LRRC32: variants seen among roughly 807,000 people sequenced by gnomAD.
LRRC32 encodes transforming growth factor beta activator LRRC32.
Under a neutral mutation model 15.0 loss-of-function variants are expected in LRRC32, and 5 were observed. The ratio of observed to expected loss-of-function variants is 0.33; its 90% CI spans 0.17 to 0.70. The LOEUF is 0.70. LRRC32 is among the 30% of genes least tolerant of loss of function. The pLI is 0.66. For missense variants in LRRC32, 803 were observed against 854.2 expected (o/e 0.94, Z 0.75); for synonymous variants, 391 against 403.9 (o/e 0.97, Z 0.38).
chr11:76,662,732 C>T (rs1952558215), intron 2 of LRRC32: 1 of 152,476 alleles, frequency 6.6e-6, no homozygotes, highest in South Asian at 2.1e-4. Flanking sequence ...CCGTTCTGAC[C>T]CACTCACTGC....
rs566330971 is a variant in LRRC32 at position 76,657,836 on chromosome 11, T to C, written c.*1768A>G. 1 of 152,336 alleles carries C rather than the reference T, an allele frequency of 6.6e-6. No individual in the cohort carries two copies. The highest frequency in any genetic ancestry group is 2.4e-5 in the African/African-American group (1 of 41,432). The allele number at this position is 152,336 out of a possible 1,614,324, so 9.4% of individuals were successfully genotyped here. A position where few individuals can be genotyped will look rare whatever the true frequency, so the allele number is the denominator to read the frequency against. On this transcript the variant is annotated 3_prime_UTR_variant, in exon 3 of 3. Coordinates refer to ENST00000260061, the MANE Select transcript of LRRC32 (RefSeq NM_001128922.2). ...GGCCTTGGTGTTCTCCTCTGTAAAA[T>C]GGGGTGGAGAGAGTGGCATTTTCAC...
chr11:76,666,022 C>G (rs1180736380), intron 1 of LRRC32, 64 bp from the exon 2 acceptor site: 1 of 1,423,128 alleles, frequency 7.0e-7, no homozygotes, highest in African/African-American at 1.4e-5. Context: ...ACTGCCAGCC[C>G]CCACTCCCAC....
rs200893333 is a variant in LRRC32 at position 76,659,635 on chromosome 11, C to G, written c.1958G>C (p.Arg653Pro). 1.2e-6 allele frequency: 2 copies of G among 1,614,036 alleles called. No individual in the cohort carries two copies. The highest frequency in any genetic ancestry group is 1.7e-6 in the Non-Finnish European group (2 of 1,180,034). Reference protein sequence around the residue: ...TTLAACCCVRRQKFNQQYKA With the variant: ...TTLAACCCVRPQKFNQQYKA ...TTTATACTGTTGGTTAAACTTCTGC[C>G]GGCGGACGCAGCAGCAGGCGGCCAG... The change falls in exon 3 of 3, where the codon CGG (arginine) becomes CCG (proline). Residue 653 changes from arginine (R) to proline (P), a missense_variant. Coordinates refer to ENST00000260061, the MANE Select transcript of LRRC32 (RefSeq NM_001128922.2).
rs1952528700 is a variant in LRRC32 at position 76,661,345 on chromosome 11, T to C, written c.248A>G (p.Asn83Ser). Residue 83 changes from asparagine (N) to serine (S), a missense_variant, in exon 3 of 3, where the codon AAT (asparagine) becomes AGT (serine). Transcript: ENST00000260061. ...TCCTGGCTGGAGGAAGCTGATCTCA[T>C]TGGTGCTCAGGTCCAGGTGACGAAG... is the stretch of plus-strand genomic sequence containing the variant. ...TALRHLDLSTNEISFLQPGAF... is the reference protein window; with the variant it reads ...TALRHLDLSTSEISFLQPGAF... The C allele has an allele frequency of 3.7e-6, 6 of 1,614,138 alleles. No individual in the cohort carries two copies. The highest frequency in any genetic ancestry group is 1.1e-5 in the South Asian group (1 of 91,084).
intron 1 of LRRC32, among the ~76,000 whole-genome samples, chr11:76,666,867 C>T (rs1041406662): frequency 1.3e-5 from 2 of 152,178 alleles, no homozygotes; most frequent in Admixed American, 6.5e-5. Flanking sequence ...GAACTGGGAA[C>T]TCAAAAAACA....
Position 76,661,023 on chromosome 11 carries a change from A to G in LRRC32, c.570T>C (p.Asp190=), listed in dbSNP as rs747843760. The change falls in exon 3 of 3, where the codon GAT becomes GAC. Residue 190 remains aspartate (D), a synonymous_variant. Coordinates refer to ENST00000260061, the MANE Select transcript of LRRC32 (RefSeq NM_001128922.2). The part of the protein sequence containing the change: ...LHSNVLMDIE[D]GAFEGLPRLT... The stretch of plus-strand genomic sequence containing the variant: ...GGCGGGGCAGACCCTCGAAGGCGCC[A>G]TCCTCGATGTCCATCAGCACGTTGC... The G allele has an allele frequency of 6.2e-7, 1 of 1,614,184 alleles. No homozygotes were observed. Among genetic ancestry groups the G allele is most frequent in the Admixed American group, 1.7e-5 (1 of 60,028 alleles).
chr11:76,668,582 C>T (rs1952662080), intron 1 of LRRC32, among the ~76,000 whole-genome samples: 1 of 152,234 alleles, frequency 6.6e-6, no homozygotes, highest in Non-Finnish European at 1.5e-5. Flanking sequence ...TTTCCTCTCC[C>T]TGAATGCTCT....
At position 76,665,948 on chromosome 11, in the gene LRRC32, G is replaced by T. The variant is rs1219598570; in HGVS notation, c.7C>A (p.Pro3Thr). MRPQILLLLALLT... is the reference protein window; with the variant it reads MRTQILLLLALLT... Reference sequence around the variant, plus strand: ...AGGGCCAGGAGCAGCAGGATCTGGGGTCTCATGGCTCTGTGTAAGGCGGAG... The same window carrying T: ...AGGGCCAGGAGCAGCAGGATCTGGGTTCTCATGGCTCTGTGTAAGGCGGAG... Residue 3 changes from proline (P) to threonine (T), a missense_variant, in exon 2 of 3, where the codon CCC (proline) becomes ACC (threonine). Pro to Thr is a conservative substitution (Grantham distance 38). Transcript: ENST00000260061. 2 of 1,613,974 alleles carry T rather than the reference G, an allele frequency of 1.2e-6. No individual in the cohort carries two copies. The highest frequency in any genetic ancestry group is 1.7e-6 in the Non-Finnish European group (2 of 1,179,918).
rs917928074 is a variant in LRRC32 at position 76,660,860 on chromosome 11, G to A, written c.733C>T (p.Leu245Phe). 7 of 1,614,120 alleles carry A rather than the reference G, an allele frequency of 4.3e-6. No homozygotes were observed. Among genetic ancestry groups the A allele is most frequent in the Non-Finnish European group, 5.9e-6 (7 of 1,180,058 alleles). The change falls in exon 3 of 3, where the codon CTC becomes TTC. Residue 245 changes from leucine (L) to phenylalanine (F), a missense_variant. By Grantham distance (22) the Leu-to-Phe change is conservative. Transcript: ENST00000260061. ...TASQPQAEFQ[L>F]TWLDLRENKL... ...TTCTCCCGCAGGTCAAGCCAGGTGA[G>A]CTGGAACTCAGCCTGGGGCTGGGAG...
chr11:76,665,850 T>C, intron 2 of LRRC32, 21 bp downstream of exon 2: 2 of 1,613,936 alleles, frequency 1.2e-6, no homozygotes, highest in Non-Finnish European at 1.7e-6. Context: ...GTCCTCACCC[T>C]GTCTGGGCAG....
rs772672659 is a variant in LRRC32 at position 76,661,492 on chromosome 11, G to C, written c.101C>G (p.Ser34Trp). The C allele has an allele frequency of 6.2e-7, 1 of 1,604,934 alleles. No homozygotes were observed. The highest frequency in any genetic ancestry group is 8.5e-7 in the Non-Finnish European group (1 of 1,175,098). ...VPCKMVDKKVSCQVLGLLQVP... is the reference protein window; with the variant it reads ...VPCKMVDKKVWCQVLGLLQVP... ...CTGGAGCAGGCCCAGAACCTGGCAC[G>C]AGACCTTCTTGTCCACCTGGGGAGG... is the stretch of plus-strand genomic sequence containing the variant. Residue 34 changes from serine to tryptophan, a missense_variant, in exon 3 of 3, where the codon TCG becomes TGG. Coordinates refer to ENST00000260061, the MANE Select transcript of LRRC32 (RefSeq NM_001128922.2).
intron 1 of LRRC32, among the ~76,000 whole-genome samples, chr11:76,667,436 G>A (rs1952643444): frequency 6.6e-6 from 1 of 152,190 alleles, no homozygotes; most frequent in Non-Finnish European, 1.5e-5. Flanking sequence ...GGCATTTGAG[G>A]GCAGTGTCTT....
chr11:76,668,325 C>T (rs182822853), intron 1 of LRRC32, among the ~76,000 whole-genome samples: 12 of 152,272 alleles, frequency 7.9e-5, no homozygotes, highest in Admixed American at 6.5e-4. Context: ...CCACCCCAAT[C>T]CTGGCCTTGA....
In LRRC32 at chr11:76,661,027, T is replaced by C; in HGVS notation, c.566A>G (p.Glu189Gly). Reference sequence around the variant, plus strand: ...GGGCAGACCCTCGAAGGCGCCATCCTCGATGTCCATCAGCACGTTGCTATG... The same window carrying C: ...GGGCAGACCCTCGAAGGCGCCATCCCCGATGTCCATCAGCACGTTGCTATG... ...DLHSNVLMDI[E>G]DGAFEGLPRL... The change falls in exon 3 of 3, where the codon GAG becomes GGG. Residue 189 changes from glutamate (E) to glycine (G), a missense_variant. By Grantham distance (98) the Glu-to-Gly change is moderately conservative. Coordinates refer to ENST00000260061, the MANE Select transcript of LRRC32 (RefSeq NM_001128922.2). 1 of 1,614,180 alleles carries C rather than the reference T, an allele frequency of 6.2e-7. No homozygotes were observed. The highest frequency in any genetic ancestry group is 8.5e-7 in the Non-Finnish European group (1 of 1,180,014).
chr11:76,663,332 A>G (rs922053174), intron 2 of LRRC32: 1 of 152,218 alleles, frequency 6.6e-6, no homozygotes, highest in Non-Finnish European at 1.5e-5. Context: ...CAGCTGACCC[A>G]CTTCCCAGAT....
At chr11:76,669,979 T>C (rs914146823) in intron 1 of LRRC32, 1 of 152,292 alleles carries the variant, frequency 6.6e-6, no homozygotes, top group Non-Finnish European at 1.5e-5. Flanking sequence ...CAGAGTGGGG[T>C]CCTGGGAGAG....
intron 2 of LRRC32, among the ~76,000 whole-genome samples, chr11:76,665,382 G>A (rs1952608671): frequency 6.6e-6 from 1 of 152,092 alleles, no homozygotes; most frequent in South Asian, 2.1e-4. Context: ...GGCAGCATTT[G>A]ATCTGGGCAC....
At position 76,659,402 on chromosome 11, in the gene LRRC32, T is replaced by C; in HGVS notation, c.*202A>G. ...CGGCTGTCCCTGAAACCGCCCAACT[T>C]CTGGCTTCCACAGCTGGACCCAAAG... is the stretch of plus-strand genomic sequence containing the variant. On this transcript the variant is annotated 3_prime_UTR_variant, in exon 3 of 3. Transcript: ENST00000260061. 1 of 586,164 alleles carries C rather than the reference T, an allele frequency of 1.7e-6. No individual in the cohort carries two copies. Among genetic ancestry groups the C allele is most frequent in the Non-Finnish European group, 3.0e-6 (1 of 334,106 alleles). 36.3% of individuals were successfully genotyped at this position (586,164 alleles called of 1,614,324 possible).
At chr11:76,663,529 T>C (rs1261890669) in intron 2 of LRRC32, 6 of 152,232 alleles carry the variant, frequency 3.9e-5, no homozygotes, top group Non-Finnish European at 1.5e-5. Context: ...TCCGTGTGGC[T>C]CTTCTTACTC....
Sources: allele counts gnomAD v4.1 joint callset (sites outside exome capture counted in the v4.1 genomes callset), GRCh38; gene constraint gnomAD v4.1.1; transcripts MANE v1.5; gene names NCBI Gene and HGNC (gene_info 2026-07-23, HGNC 2026-07-21).